Variants in ARMCX4 observed in about 807,000 individuals in gnomAD.
ARMCX4 encodes the protein armadillo repeat-containing X-linked protein 4.
A neutral mutation model predicts 34.7 loss-of-function variants in ARMCX4; 3 were observed. The ratio of observed to expected loss-of-function variants is 0.09; its 90% CI spans 0.04 to 0.22. The LOEUF is 0.22. Among genes scored for constraint, ARMCX4 ranks in the 10% least tolerant of loss-of-function variants. ARMCX4 has a pLI of 1.00. For missense variants in ARMCX4, 1,448 were observed against 1,720.8 expected (o/e 0.84, Z 2.81); for synonymous variants, 513 against 632.8 (o/e 0.81, Z 2.84).
chrX:101,530,254 T>C (rs1242104698), intron 11 of ARMCX4, among the ~76,000 whole-genome samples: 3 of 111,666 alleles, frequency 2.7e-5, no homozygotes, highest in African/African-American at 9.8e-5. Context: ...AAACACCACA[T>C]GTTCTCACTC....
intron 11 of ARMCX4, among the ~76,000 whole-genome samples, chrX:101,520,511 A>G (rs184018456): frequency 1.8e-5 from 2 of 112,366 alleles, no homozygotes; most frequent in Admixed American, 1.9e-4. Context: ...TTCTGTGTCT[A>G]TTGAAATGAT....
chrX:101,511,839 C>T (rs1556016411), intron 11 of ARMCX4, among the ~76,000 whole-genome samples: 1 of 111,324 alleles, frequency 9.0e-6, no homozygotes, highest in African/African-American at 3.3e-5. Flanking sequence ...TGACAGTGCT[C>T]AGGAGGCTGA....
chrX:101,448,755 G>A (rs1555998516), downstream of ARMCX4, among the ~76,000 whole-genome samples: 1 of 109,963 alleles, frequency 9.1e-6, no homozygotes, highest in African/African-American at 3.3e-5. Flanking sequence ...ACCATGCCCG[G>A]CTAATTTTTG....
intron 11 of ARMCX4, among the ~76,000 whole-genome samples, chrX:101,520,551 T>G (rs1304807653): frequency 5.3e-5 from 6 of 112,559 alleles, no homozygotes; most frequent in Non-Finnish European, 1.1e-4. Flanking sequence ...ACTTTTTAAA[T>G]CTGGCATATT....
At chrX:101,432,989 T>C (rs1366970980) in intron 2 of ARMCX4, among the ~76,000 whole-genome samples, 51 of 102,975 alleles carry the variant, frequency 5.0e-4, no homozygotes, top group Non-Finnish European at 8.2e-4. Flanking sequence ...TATACACACA[T>C]GTATACATAT....
At chrX:101,429,334 T>C (rs113541224) in intron 2 of ARMCX4, among the ~76,000 whole-genome samples, 4 of 24,568 alleles carry the variant, frequency 1.6e-4, no homozygotes, top group Non-Finnish European at 3.6e-4. Context: ...TAGATTGTCT[T>C]TTTTTTTTTT....
chrX:101,515,669 G>C (rs1416100495), intron 11 of ARMCX4, among the ~76,000 whole-genome samples: 3 of 105,922 alleles, frequency 2.8e-5, no homozygotes, highest in African/African-American at 1.0e-4. Flanking sequence ...TTCCTGAGCA[G>C]CTGGGATTAC....
chrX:101,514,882 G>A (rs1452369074), intron 11 of ARMCX4, among the ~76,000 whole-genome samples: 1 of 111,635 alleles, frequency 9.0e-6, no homozygotes, highest in Admixed American at 9.5e-5. Context: ...GTTGAATTTA[G>A]GGGTTTAAAT....
chrX:101,421,991 G>GTTATTATTATTATTA (rs200537627), intron 2 of ARMCX4, among the ~76,000 whole-genome samples: 102 of 96,385 alleles, frequency 1.1e-3, no homozygotes, highest in African/African-American at 3.5e-3. Flanking sequence ...TGGGGGATCA[G>GTTATTATTATTATTA]TTATTATTAT....
chrX:101,451,750 A>G (rs1932000307), downstream of ARMCX4, among the ~76,000 whole-genome samples: 1 of 112,317 alleles, frequency 8.9e-6, no homozygotes, highest in African/African-American at 3.2e-5. Flanking sequence ...ACACTGATCT[A>G]GAAAGTCCAA....
At chrX:101,452,867 TTTATTA>T (rs10634734), downstream of ARMCX4, among the ~76,000 whole-genome samples, 4 of 102,159 alleles carry the variant, frequency 3.9e-5, no homozygotes, top group East Asian at 6.0e-4. Context: ...GGCTGTTTGT[TTTATTA>T]TTATTATTAT....
chrX:101,487,681 A>G lies in ARMCX4; in HGVS notation c.-213A>G, dbSNP rs1467472538. The G allele has an allele frequency of 3.1e-6, 3 of 956,228 alleles. No individual in the cohort carries two copies. The highest frequency in any genetic ancestry group is 2.0e-5 in the African/African-American group (1 of 49,677). The allele number at this position is 956,228 out of a possible 1,213,427, so 78.8% of individuals were successfully genotyped here. On this transcript the variant is annotated 5_prime_UTR_variant, in exon 4 of 6. Transcript: ENST00000423738. ...AACAAAGAGGAGATTGCTCCTGATC[A>G]GTATAGACTGGTAAGAGTGTGGGGA...
At chrX:101,436,854 AG>A (rs1555994980) in intron 2 of ARMCX4, among the ~76,000 whole-genome samples, 1 of 111,780 alleles carries the variant, frequency 8.9e-6, no homozygotes, top group Non-Finnish European at 1.9e-5. Flanking sequence ...TTTAGCATGA[AG>A]GGTTGTTGAA....
At chrX:101,426,288 G>A (rs1005814295) in intron 2 of ARMCX4, among the ~76,000 whole-genome samples, 4 of 111,879 alleles carry the variant, frequency 3.6e-5, no homozygotes, top group Non-Finnish European at 7.5e-5. Context: ...GGAGGAATTA[G>A]TGTTCACTAA....
intron 2 of ARMCX4, among the ~76,000 whole-genome samples, chrX:101,427,184 C>T (rs1171092745): frequency 1.8e-5 from 2 of 112,200 alleles, no homozygotes; most frequent in Non-Finnish European, 3.8e-5. Flanking sequence ...GAATAGAGGT[C>T]TAAGACTCAG....
At chrX:101,462,388 T>C (rs1932653289) in intron 4 of ARMCX4, among the ~76,000 whole-genome samples, 1 of 111,090 alleles carries the variant, frequency 9.0e-6, no homozygotes, top group Admixed American at 9.6e-5. Flanking sequence ...ACGCCTGTAA[T>C]TCCAGTACTT....
chrX:101,450,521 C>A (rs1192318980), downstream of ARMCX4, among the ~76,000 whole-genome samples: 1 of 111,919 alleles, frequency 8.9e-6, no homozygotes, highest in Non-Finnish European at 1.9e-5. Flanking sequence ...GAGGCAAGGC[C>A]TGGAATCAGG....
intron 2 of ARMCX4, among the ~76,000 whole-genome samples, chrX:101,434,304 A>G (rs1930537192): frequency 1.0e-5 from 1 of 99,248 alleles, no homozygotes; most frequent in Non-Finnish European, 2.0e-5. Flanking sequence ...CCTAGGCTGG[A>G]GGGCAGTGGC....
At chrX:101,463,678 A>G (rs1469319801) in intron 4 of ARMCX4, among the ~76,000 whole-genome samples, 4 of 111,867 alleles carry the variant, frequency 3.6e-5, no homozygotes, top group Non-Finnish European at 7.5e-5. Flanking sequence ...ATTTTGCTCT[A>G]TAACAAAGAG....
Sources: gnomAD v4.1 joint callset for allele counts (sites outside exome capture counted in the v4.1 genomes callset) on GRCh38, gnomAD v4.1.1 for gene constraint, MANE v1.5 for transcripts, NCBI Gene and HGNC (gene_info 2026-07-23, HGNC 2026-07-21) for gene names.